PIEZO1: variants seen among roughly 807,000 people sequenced by gnomAD.
The protein encoded by PIEZO1 is piezo-type mechanosensitive ion channel component 1.
Under a neutral mutation model 297.2 loss-of-function variants are expected in PIEZO1, and 296 were observed. That is an observed-to-expected ratio of 1.00 (90% confidence interval 0.91 to 1.10). PIEZO1 has a LOEUF of 1.10. Among genes scored for constraint, PIEZO1 ranks in the 50% least tolerant of loss-of-function variants. The pLI is 0.00. For missense variants in PIEZO1, 5,018 were observed against 3,455.5 expected (o/e 1.45, Z -11.34); for synonymous variants, 2,427 against 1,507.5 (o/e 1.61, Z -14.13).
At chr16:88,730,164 G>C (rs898280626) in intron 22 of PIEZO1, among the ~76,000 whole-genome samples, 2 of 152,264 alleles carry the variant, frequency 1.3e-5, no homozygotes, top group Non-Finnish European at 2.9e-5. Flanking sequence ...TGTAGCAACA[G>C]GCACACCCAG....
chr16:88,719,526 G>T, intron 44 of PIEZO1, 48 bp downstream of exon 44: 3 of 1,508,850 alleles, frequency 2.0e-6, no homozygotes, highest in Non-Finnish European at 2.7e-6. Context: ...CTTAGGGAGA[G>T]GGCATATCCC....
intron 1 of PIEZO1, among the ~76,000 whole-genome samples, chr16:88,755,711 G>C (rs1906621371): frequency 6.6e-6 from 1 of 152,136 alleles, no homozygotes; most frequent in Non-Finnish European, 1.5e-5. Context: ...TACCCTCAAA[G>C]CTCCCATCTC....
chr16:88,763,221 C>T (rs74033399), intron 1 of PIEZO1, among the ~76,000 whole-genome samples: 23,589 of 152,176 alleles, frequency 0.16, 1,943 homozygotes, highest in Middle Eastern at 0.21. Flanking sequence ...AGGGCACTTA[C>T]GGGGGCCCAG....
intron 1 of PIEZO1, among the ~76,000 whole-genome samples, chr16:88,778,233 G>T (rs558110201): frequency 6.6e-6 from 1 of 152,158 alleles, no homozygotes; most frequent in Admixed American, 6.5e-5. Context: ...CTGTGGCACC[G>T]AGAGCCGGCC....
At chr16:88,749,762 T>A (rs1250429372) in intron 1 of PIEZO1, among the ~76,000 whole-genome samples, 2 of 152,234 alleles carry the variant, frequency 1.3e-5, no homozygotes, top group Non-Finnish European at 2.9e-5. Flanking sequence ...GTGCAGTGGT[T>A]CACACCTGTC....
intron 1 of PIEZO1, among the ~76,000 whole-genome samples, chr16:88,780,040 G>A (rs1907858986): frequency 6.6e-6 from 1 of 152,200 alleles, no homozygotes; most frequent in Non-Finnish European, 1.5e-5. Flanking sequence ...ACCCAGAGAA[G>A]GGGGTGAGGG....
chr16:88,738,424 CG>C lies in PIEZO1; in HGVS notation c.650del (p.Ser217TrpfsTer139). 6.5e-7 allele frequency: 1 copy of C among 1,535,744 alleles called. No individual in the cohort carries two copies. Among genetic ancestry groups the C allele is most frequent in the Non-Finnish European group, 8.7e-7 (1 of 1,146,808 alleles). ...LLALAGIAHP[S>X]ALSSVYLLLF... ...GCAGCAGGTAGACACTGGAGAGGGCCGAGGGGTGGGCGATGCCTGCGGGGCA... is the reference window on the plus strand; with the variant it reads ...GCAGCAGGTAGACACTGGAGAGGGCCAGGGGTGGGCGATGCCTGCGGGGCA... On this transcript the variant is annotated frameshift_variant, in exon 7 of 51. Transcript: ENST00000301015. LOFTEE classifies it high-confidence loss of function.
intron 29 of PIEZO1, 66 bp from the exon 30 acceptor site, chr16:88,725,146 G>A (rs1053640545): frequency 1.7e-6 from 2 of 1,151,922 alleles, no homozygotes; most frequent in Non-Finnish European, 2.4e-6. Flanking sequence ...GGCTGTGAGT[G>A]CTCCCGTCTT....
intron 1 of PIEZO1, among the ~76,000 whole-genome samples, chr16:88,759,631 C>A (rs1415959195): frequency 6.6e-6 from 1 of 152,240 alleles, no homozygotes; most frequent in Non-Finnish European, 1.5e-5. Context: ...CCTGCTGGGC[C>A]TTCCCTGCCA....
chr16:88,767,982 C>G (rs1280645995), intron 1 of PIEZO1, among the ~76,000 whole-genome samples: 1 of 152,210 alleles, frequency 6.6e-6, no homozygotes, highest in Non-Finnish European at 1.5e-5. Flanking sequence ...GGTCCAGACC[C>G]CAGGTCCCTG....
At chr16:88,754,683 A>T (rs1177795002) in intron 1 of PIEZO1, among the ~76,000 whole-genome samples, 1 of 152,188 alleles carries the variant, frequency 6.6e-6, no homozygotes, top group African/African-American at 2.4e-5. Context: ...CAGAGACCCA[A>T]GGCCAGGATT....
At chr16:88,784,443 G>A (rs1332086817) in intron 1 of PIEZO1, among the ~76,000 whole-genome samples, 1 of 152,106 alleles carries the variant, frequency 6.6e-6, no homozygotes, top group Non-Finnish European at 1.5e-5. Context: ...CAGGCAGGAA[G>A]CCCGCCTTCT....
In PIEZO1 at chr16:88,733,581, C is replaced by T. The variant is rs771820005; in HGVS notation, c.2487+7G>A. ...AGATGGGAAGCTGAGTTGCCTGCCACACTCACCTCCTTCAGGGCCACCCAG... is the reference window on the plus strand; with the variant it reads ...AGATGGGAAGCTGAGTTGCCTGCCATACTCACCTCCTTCAGGGCCACCCAG... On this transcript the variant is annotated splice_region_variant and intron_variant, in intron 18 of 50. Coordinates refer to ENST00000301015, the MANE Select transcript of PIEZO1 (RefSeq NM_001142864.4). 6.5e-7 allele frequency: 1 copy of T among 1,538,190 alleles called. No individual in the cohort carries two copies. The highest frequency in any genetic ancestry group is 8.8e-7 in the Non-Finnish European group (1 of 1,138,590).
chr16:88,766,079 T>G (rs543981700), intron 1 of PIEZO1, among the ~76,000 whole-genome samples: 2 of 152,160 alleles, frequency 1.3e-5, no homozygotes, highest in East Asian at 3.9e-4. Context: ...GTGGGTGCCG[T>G]GGTCACGCCT....
rs775148054 is a variant in PIEZO1 at position 88,737,949 on chromosome 16, G to A, written c.1005C>T (p.Tyr335=). ...ATASLRKLRA[Y]RPSGQRKEAA... ...AGGTGCTCACCTGGCCGGAGGGGCG[G>A]TACGCGCGGAGCTTGCGCAGAGAGG... Residue 335 remains tyrosine (Y), a synonymous_variant, in exon 8 of 51, where the codon TAC becomes TAT. Transcript: ENST00000301015. 41 of 1,530,668 alleles carry A rather than the reference G, an allele frequency of 2.7e-5. No homozygotes were observed. Among genetic ancestry groups the A allele is most frequent in the South Asian group, 1.3e-4 (11 of 83,556 alleles). 94.8% of individuals were successfully genotyped at this position (1,530,668 alleles called of 1,614,324 possible).
Position 88,734,655 on chromosome 16 carries a change from G to T in PIEZO1, c.1992C>A (p.Asp664Glu). The change falls in exon 15 of 51, where the codon GAC becomes GAA. Residue 664 changes from aspartate to glutamate, a missense_variant. Asp to Glu is a conservative substitution (Grantham distance 45). Coordinates refer to ENST00000301015, the MANE Select transcript of PIEZO1 (RefSeq NM_001142864.4). ...CCGCCCCAGCCTGGACTCACTGCTC[G>T]TCGGTGAAGCCAGTGAGGTTGCGCC... ...AYWRNLTGFT[D>E]EQLGDLGLEQ... 1.9e-6 allele frequency: 3 copies of T among 1,550,236 alleles called. No homozygotes were observed. The highest frequency in any genetic ancestry group is 2.6e-6 in the Non-Finnish European group (3 of 1,146,894).
chr16:88,753,474 A>C (rs1261549239), intron 1 of PIEZO1, among the ~76,000 whole-genome samples: 2 of 151,754 alleles, frequency 1.3e-5, no homozygotes, highest in Non-Finnish European at 2.9e-5. Context: ...AAGGGGGCTC[A>C]GGGTCACAGC....
intron 1 of PIEZO1, among the ~76,000 whole-genome samples, chr16:88,770,400 C>T (rs950812321): frequency 6.6e-6 from 1 of 152,232 alleles, no homozygotes; most frequent in Non-Finnish European, 1.5e-5. Context: ...GTCTGCAGTT[C>T]CTGTCTGTGG....
rs767063696 is a variant in PIEZO1, at chr16:88,723,284, C to T, written c.4380G>A (p.Arg1460=). 2.6e-6 allele frequency: 4 copies of T among 1,541,562 alleles called. No individual in the cohort carries two copies. The South Asian group carries it at 4.8e-5, about 18-fold the overall frequency. The stretch of plus-strand genomic sequence containing the variant: ...CCTGCTCCTGCTCCTGCTGCCGCCG[C>T]CTCAGCACCGCCTGGGCGTTGGTCA... ...AWVTNAQAVL[R]RRQQEQEQAR... Residue 1460 remains arginine (R), a synonymous_variant, in exon 32 of 51, where the codon AGG becomes AGA. Transcript: ENST00000301015.
Sources: allele counts gnomAD v4.1 joint callset (sites outside exome capture counted in the v4.1 genomes callset), GRCh38; gene constraint gnomAD v4.1.1; transcripts MANE v1.5; gene names NCBI Gene and HGNC (gene_info 2026-07-23, HGNC 2026-07-21).